The following RALGAPA1 variants were observed in gnomAD, a reference collection of about 807,000 sequenced individuals.
RALGAPA1 encodes Ral GTPase activating protein catalytic subunit alpha 1.
A neutral mutation model predicts 269.6 loss-of-function variants in RALGAPA1; 52 were observed. That is an observed-to-expected ratio of 0.19 (90% CI 0.15 to 0.24). The LOEUF (loss-of-function observed/expected upper bound fraction) is 0.24. RALGAPA1 is among the 10% of genes least tolerant of loss of function. The probability of loss-of-function intolerance (pLI) is 1.00; values close to 1 mark genes in which losing one functional copy is unlikely to be tolerated. For synonymous variants in RALGAPA1, 817 were observed against 1,008.3 expected (o/e 0.81, Z 3.60); for missense variants, 1,917 against 3,013.9 (o/e 0.64, Z 8.52).
intron 24 of RALGAPA1, 45 bp from the exon 25 acceptor site, chr14:35,673,067 T>C: frequency 7.3e-7 from 1 of 1,371,094 alleles, no homozygotes; most frequent in South Asian, 1.7e-5. Flanking sequence ...GAAATACTAT[T>C]TGCTAAATAA....
chr14:35,750,331 A>G, intron 9 of RALGAPA1, 151 bp downstream of exon 9: 1 of 477,144 alleles, frequency 2.1e-6, no homozygotes. Flanking sequence ...TATTAATTCT[A>G]TAATTAAAAT....
intron 1 of RALGAPA1, among the ~76,000 whole-genome samples, chr14:35,781,695 T>C (rs1203416264): frequency 6.6e-6 from 1 of 152,092 alleles, no homozygotes; most frequent in Non-Finnish European, 1.5e-5. Context: ...AATCAATCAC[T>C]GTAATACCTT....
At chr14:35,549,559 A>G (rs2054780853) in intron 39 of RALGAPA1, among the ~76,000 whole-genome samples, 1 of 152,152 alleles carries the variant, frequency 6.6e-6, no homozygotes, top group Non-Finnish European at 1.5e-5. Flanking sequence ...TCAGGAGTCT[A>G]GGCTGAAATT....
In RALGAPA1 at chr14:35,627,405, C is replaced by T. The variant is rs1241191363; in HGVS notation, c.6542G>A (p.Arg2181Lys). The change falls in exon 34 of 42, where the codon AGA becomes AAA. Residue 2181 changes from arginine to lysine, a missense_variant. Physicochemically the swap from Arg to Lys is conservative, Grantham distance 26 (BLOSUM62 2). Transcript: ENST00000680220. The part of the protein sequence containing the change: ...RETVPTWDTI[R>K]DEEDVLDELL... Reference sequence around the variant, plus strand: ...CTCATCAAGAACATCTTCTTCATCTCTTATTGTATCCCAAGTTGGTACAGT... The same window carrying T: ...CTCATCAAGAACATCTTCTTCATCTTTTATTGTATCCCAAGTTGGTACAGT... 6.2e-7 allele frequency: 1 copy of T among 1,614,148 alleles called. No homozygotes were observed.
chr14:35,686,684 A>T lies in RALGAPA1; in HGVS notation c.3953-18T>A, dbSNP rs71421954. The T allele has an allele frequency of 6.8e-7, 1 of 1,467,858 alleles. No homozygotes were observed. The highest frequency in any genetic ancestry group is 9.3e-7 in the Non-Finnish European group (1 of 1,078,104). 90.9% of individuals were successfully genotyped at this position (1,467,858 alleles called of 1,614,324 possible). A position where few individuals can be genotyped will look rare whatever the true frequency, so the allele number is the denominator to read the frequency against. ...TTTATTGACTAAAAATAAATAAATA[A>T]CTATATATAGTGAGGAAAAACTTAA... On this transcript the variant is annotated intron_variant, in intron 18 of 41. Coordinates refer to ENST00000680220, the MANE Select transcript of RALGAPA1 (RefSeq NM_001346249.2).
chr14:35,776,099 G>A (rs1000455460), intron 1 of RALGAPA1, among the ~76,000 whole-genome samples: 1 of 152,100 alleles, frequency 6.6e-6, no homozygotes, highest in African/African-American at 2.4e-5. Flanking sequence ...TATGATGTCT[G>A]AAGGCCAGGT....
intron 16 of RALGAPA1, among the ~76,000 whole-genome samples, chr14:35,719,773 TCTGTCGCTCCC>T (rs2069201877): frequency 4.2e-5 from 3 of 72,052 alleles, no homozygotes; most frequent in Admixed American, 3.5e-4. Context: ...AGAGTCGCCC[TCTGTCGCTCCC>T]TCTGTCGCTC....
At chr14:35,625,150 C>CAAAAAAAAAAAAAAAAAAAAAAAAAA in intron 35 of RALGAPA1, among the ~76,000 whole-genome samples, 1 of 59,930 alleles carries the variant, frequency 1.7e-5, no homozygotes, top group Non-Finnish European at 3.5e-5. Context: ...GACTCTGTCT[C>CAAAAAAAAAAAAAAAAAAAAAAAAAA]AAAAAAAAAA....
At chr14:35,566,655 T>C (rs1237727780) in intron 39 of RALGAPA1, among the ~76,000 whole-genome samples, 1 of 151,894 alleles carries the variant, frequency 6.6e-6, no homozygotes, top group African/African-American at 2.4e-5. Context: ...GAACGTAATC[T>C]GATATTTCAA....
intron 16 of RALGAPA1, among the ~76,000 whole-genome samples, chr14:35,717,287 A>C (rs2068920341): frequency 6.6e-6 from 1 of 152,016 alleles, no homozygotes; most frequent in African/African-American, 2.4e-5. Context: ...AGTAGCTGGG[A>C]TTACAGGCAC....
intron 31 of RALGAPA1, among the ~76,000 whole-genome samples, chr14:35,651,535 A>G (rs1236599333): frequency 6.6e-6 from 1 of 152,210 alleles, no homozygotes; most frequent in African/African-American, 2.4e-5. Flanking sequence ...TAAGAACACA[A>G]TTTGGCAGAA....
chr14:35,782,427 T>C (rs924940366), intron 1 of RALGAPA1, among the ~76,000 whole-genome samples: 5 of 152,182 alleles, frequency 3.3e-5, no homozygotes, highest in Admixed American at 3.3e-4. Flanking sequence ...TTTTTTTTCT[T>C]CTATTTTTTC....
intron 37 of RALGAPA1, among the ~76,000 whole-genome samples, chr14:35,586,811 A>G (rs1401244423): frequency 6.6e-6 from 1 of 152,216 alleles, no homozygotes; most frequent in Non-Finnish European, 1.5e-5. Context: ...GCATGAAGCC[A>G]ACCTGATTGT....
rs1039489428 is a variant in RALGAPA1 at position 35,627,654 on chromosome 14, T to C, written c.6293A>G (p.Asn2098Ser). 1.3e-6 allele frequency: 2 copies of C among 1,587,554 alleles called. No homozygotes were observed. Among genetic ancestry groups the C allele is most frequent in the Non-Finnish European group, 1.7e-6 (2 of 1,164,984 alleles). Residue 2098 changes from asparagine (N) to serine (S), a missense_variant, in exon 34 of 42, where the codon AAT becomes AGT. By Grantham distance (46) the Asn-to-Ser change is conservative. Around this residue, in one of 11 missense-constraint regions of RALGAPA1, gnomAD observed 346 missense variants for 566.1 expected, o/e 0.61. Transcript: ENST00000680220. ...ACGTACTATGATTCTGACATTTGAA[T>C]TGGCTGATGCAAGGCCAGCAGATAA... ...GGLSAGLASA[N>S]SNVRIIVRDL... is the part of the protein sequence containing the mutation.
At chr14:35,540,446 T>C (rs1162943213) in intron 41 of RALGAPA1, among the ~76,000 whole-genome samples, 1 of 152,218 alleles carries the variant, frequency 6.6e-6, no homozygotes, top group Non-Finnish European at 1.5e-5. Flanking sequence ...AATTAGTAGA[T>C]ATACAATTTT....
intron 1 of RALGAPA1, among the ~76,000 whole-genome samples, chr14:35,786,805 T>A (rs890939839): frequency 1.4e-4 from 21 of 152,318 alleles, no homozygotes; most frequent in African/African-American, 5.1e-4. Flanking sequence ...TGCATTCATG[T>A]CTGTGCTCTT....
At chr14:35,748,374 C>T (rs541970964) in intron 10 of RALGAPA1, 11 of 340,558 alleles carry the variant, frequency 3.2e-5, no homozygotes, top group African/African-American at 2.2e-4. Context: ...TTCTCTCTCT[C>T]GCTCTTTTTT....
intron 17 of RALGAPA1, among the ~76,000 whole-genome samples, chr14:35,699,048 T>C (rs1435966753): frequency 6.6e-6 from 1 of 152,188 alleles, no homozygotes; most frequent in Non-Finnish European, 1.5e-5. Context: ...GTAAAATACG[T>C]CCATTCATTC....
At chr14:35,753,304 C>T (rs1166248497) in intron 7 of RALGAPA1, among the ~76,000 whole-genome samples, 2 of 152,090 alleles carry the variant, frequency 1.3e-5, no homozygotes, top group Admixed American at 6.6e-5. Flanking sequence ...ATGCATAAAT[C>T]CGTCTTGAGA....
Sources: gnomAD v4.1 joint callset for allele counts (sites outside exome capture counted in the v4.1 genomes callset) on GRCh38, gnomAD v4.1.1 for gene constraint, gnomAD v4.1.1 regional missense constraint, MANE v1.5 for transcripts, NCBI Gene and HGNC (gene_info 2026-07-23, HGNC 2026-07-21) for gene names.